Variants in RHEX observed in about 807,000 individuals in gnomAD.
RHEX encodes the protein regulator of hemoglobinization and erythroid cell expansion.
RHEX carries 18 observed loss-of-function variants against 20.1 expected under a neutral mutation model. That is an observed-to-expected ratio of 0.90 (90% CI 0.62 to 1.33). RHEX has a LOEUF of 1.33. Ranked by LOEUF, RHEX falls within the 40% of genes most tolerant of loss-of-function variation. The pLI is 0.00. For missense variants in RHEX, 192 were observed against 214.3 expected, an observed-to-expected ratio of 0.90 and a Z score of 0.65; for synonymous variants, 87 against 77.1, an observed-to-expected ratio of 1.13 and a Z score of -0.67.
intron 3 of RHEX, among the ~76,000 whole-genome samples, chr1:206,099,322 CT>C (rs368943257): frequency 0.034 from 4,897 of 144,044 alleles, 239 homozygotes; most frequent in African/African-American, 0.11. Flanking sequence ...GCAGCTTCCA[CT>C]TTTTTTTTTT....
At chr1:206,096,775 T>TTTG (rs1663078340) in intron 1 of RHEX, among the ~76,000 whole-genome samples, 2 of 143,124 alleles carry the variant, frequency 1.4e-5, no homozygotes, top group South Asian at 4.2e-4. Flanking sequence ...GTTTTTTTTT[T>TTTG]TTTTGGTTTT....
At position 206,098,113 on chromosome 1, in the gene RHEX, C is replaced by T. The variant is rs531574406; in HGVS notation, c.44C>T (p.Ala15Val). 64 of 1,614,072 alleles carry T rather than the reference C, an allele frequency of 4.0e-5. No individual in the cohort carries two copies. Among genetic ancestry groups the T allele is most frequent in the South Asian group, 1.1e-4 (10 of 91,084 alleles). Residue 15 changes from alanine to valine, a missense_variant, in exon 3 of 6, where the codon GCG (alanine) becomes GTG (valine). Coordinates refer to ENST00000331555, the MANE Select transcript of RHEX (RefSeq NM_001007544.4). ...GAGGTCTGGCATGGCTTAGTGATCG[C>T]GGTGGTGTCCCTCTTCCTGCAGGCC... Reference protein sequence around the residue: ...VMEVWHGLVIAVVSLFLQACF... With the variant: ...VMEVWHGLVIVVVSLFLQACF...
chr1:206,097,311 T>C (rs1663092272), intron 1 of RHEX, among the ~76,000 whole-genome samples: 1 of 152,188 alleles, frequency 6.6e-6, no homozygotes, highest in Non-Finnish European at 1.5e-5. Flanking sequence ...TAAGCCCTGC[T>C]GCTAACAAGG....
At chr1:206,071,725 T>G (rs1553284676) in intron 1 of RHEX, among the ~76,000 whole-genome samples, 1 of 151,852 alleles carries the variant, frequency 6.6e-6, no homozygotes, top group Non-Finnish European at 1.5e-5. Flanking sequence ...GGTGAATGCC[T>G]GTGGTCCTAG....
Position 206,075,760 on chromosome 1 carries a change from C to T in RHEX, c.-96-21973C>T, listed in dbSNP as rs531846678. On this transcript the variant is annotated intron_variant, in intron 1 of 5. Transcript: ENST00000331555. Reference sequence around the variant, plus strand: ...GATTACGGGTGCCCACCACTACGCCCGGCTAACATTTTTGTATTTTTAGTA... The same window carrying T: ...GATTACGGGTGCCCACCACTACGCCTGGCTAACATTTTTGTATTTTTAGTA... 2.6e-4 allele frequency among the ~76,000 whole-genome samples: 40 copies of T among 152,154 alleles called. 1 individual carries two copies. The South Asian group carries it at 6.2e-3, about 24-fold the overall frequency.
At chr1:206,054,979 A>T (rs951643653) in intron 1 of RHEX, among the ~76,000 whole-genome samples, 8 of 152,278 alleles carry the variant, frequency 5.3e-5, no homozygotes, top group Admixed American at 5.2e-4. Context: ...CCTGGCTGAA[A>T]TGGATCAAAT....
intron 1 of RHEX, among the ~76,000 whole-genome samples, chr1:206,066,471 G>A (rs1662424465): frequency 6.6e-6 from 1 of 152,170 alleles, no homozygotes; most frequent in South Asian, 2.1e-4. Context: ...ACAGAAATAA[G>A]CTGGGTGTGG....
intron 1 of RHEX, among the ~76,000 whole-genome samples, chr1:206,090,202 CTTTT>C (rs59499927): frequency 4.7e-4 from 53 of 112,552 alleles, no homozygotes; most frequent in African/African-American, 1.5e-3. Flanking sequence ...TCTTTTCTTT[CTTTT>C]TTTTTTTTTT....
chr1:206,053,658 A>G (rs1293923220), intron 1 of RHEX, among the ~76,000 whole-genome samples: 2 of 152,246 alleles, frequency 1.3e-5, no homozygotes, highest in Non-Finnish European at 2.9e-5. Flanking sequence ...AGGAAAACTT[A>G]GAACTTTGTG....
In RHEX at chr1:206,066,178, G is replaced by T. The variant is rs147706479; in HGVS notation, c.-97+12913G>T. The stretch of plus-strand genomic sequence containing the variant: ...TGGTCTTTAGAGGCGTATGCCTCTG[G>T]TTCTACCACTCTCTGCAGTCTCGTT... On this transcript the variant is annotated intron_variant, in intron 1 of 5. Coordinates refer to ENST00000331555, the MANE Select transcript of RHEX (RefSeq NM_001007544.4). Among the ~76,000 whole-genome samples, 283 of 152,346 alleles carry T rather than the reference G, an allele frequency of 1.9e-3. 6 individuals are homozygous for T. The highest frequency in any genetic ancestry group is 0.017 in the Admixed American group (257 of 15,306).
chr1:206,055,848 A>C (rs2102301466), intron 1 of RHEX, among the ~76,000 whole-genome samples: 1 of 152,404 alleles, frequency 6.6e-6, no homozygotes, highest in African/African-American at 2.4e-5. Context: ...GGCCAAGGCC[A>C]GTGGCCTATC....
intron 1 of RHEX, among the ~76,000 whole-genome samples, chr1:206,064,121 G>A (rs1219811698): frequency 1.4e-5 from 2 of 146,200 alleles, no homozygotes; most frequent in African/African-American, 2.6e-5. Context: ...CTGCCCGGCC[G>A]CCCCGTCTGA....
chr1:206,060,408 C>T (rs1662287343), intron 1 of RHEX: 2 of 152,222 alleles, frequency 1.3e-5, no homozygotes, highest in Admixed American at 6.5e-5. Flanking sequence ...CAGAGAACAT[C>T]ACCACCCTGA....
intron 1 of RHEX, among the ~76,000 whole-genome samples, chr1:206,063,950 C>T (rs1323476458): frequency 4.6e-5 from 7 of 150,676 alleles, no homozygotes; most frequent in East Asian, 4.0e-4. Context: ...AAGTGAGGAG[C>T]GCCTCTTCCA....
At chr1:206,083,316 G>A (rs145509987) in intron 1 of RHEX, among the ~76,000 whole-genome samples, 2 of 152,316 alleles carry the variant, frequency 1.3e-5, no homozygotes, top group East Asian at 1.9e-4. Flanking sequence ...GGCTGCGTGT[G>A]TATTTGTGGT....
chr1:206,071,024 C>T (rs1294513601), intron 1 of RHEX, among the ~76,000 whole-genome samples: 1 of 152,122 alleles, frequency 6.6e-6, no homozygotes, highest in Non-Finnish European at 1.5e-5. Context: ...GGAGTATTGA[C>T]TCACACGATC....
intron 1 of RHEX, among the ~76,000 whole-genome samples, chr1:206,096,071 C>T (rs950199317): frequency 6.6e-6 from 1 of 152,136 alleles, no homozygotes; most frequent in Non-Finnish European, 1.5e-5. Context: ...CTCAAACAAT[C>T]CACCTGCATC....
At chr1:206,082,881 A>C (rs1286260371) in intron 1 of RHEX, among the ~76,000 whole-genome samples, 3 of 152,124 alleles carry the variant, frequency 2.0e-5, no homozygotes, top group Non-Finnish European at 4.4e-5. Context: ...GGGTCATTTT[A>C]TCCTCCTCCC....
In RHEX at chr1:206,097,773, T is replaced by C; in HGVS notation, c.-56T>C. 6.2e-7 allele frequency: 1 copy of C among 1,614,052 alleles called. No homozygotes were observed. Among genetic ancestry groups the C allele is most frequent in the Admixed American group, 1.7e-5 (1 of 60,010 alleles). ...CCGGTGGCACTACTGAGAGACGAGG[T>C]GCCAGGGTGGTTCCTGAAAGTGCCT... On this transcript the variant is annotated 5_prime_UTR_variant, in exon 2 of 6. Transcript: ENST00000331555.
Sources: allele counts gnomAD v4.1 joint callset (sites outside exome capture counted in the v4.1 genomes callset), GRCh38; gene constraint gnomAD v4.1.1; transcripts MANE v1.5; gene names NCBI Gene and HGNC (gene_info 2026-07-23, HGNC 2026-07-21).